The following NXPH1 variants were observed in gnomAD, a reference collection of about 807,000 sequenced individuals.
NXPH1 encodes neurexophilin-1.
NXPH1 carries 5 observed loss-of-function variants against 23.7 expected under a neutral mutation model. That is an observed-to-expected ratio of 0.21 (90% confidence interval 0.11 to 0.44). The LOEUF (loss-of-function observed/expected upper bound fraction) is 0.44. Ranked by LOEUF, NXPH1 falls within the 20% of genes least tolerant of loss-of-function variation. The probability of loss-of-function intolerance (pLI) is 0.99; values close to 1 mark genes in which losing one functional copy is unlikely to be tolerated. For synonymous variants in NXPH1, 144 were observed against 122.2 expected (o/e 1.18, Z -1.18); for missense variants, 324 against 321.6 (o/e 1.01, Z -0.06).
At chr7:8,617,742 G>T (rs939593735) in intron 2 of NXPH1, among the ~76,000 whole-genome samples, 3 of 152,048 alleles carry the variant, frequency 2.0e-5, no homozygotes, top group African/African-American at 7.2e-5. Context: ...GAACAACAGG[G>T]TGACTATAGT....
intron 2 of NXPH1, among the ~76,000 whole-genome samples, chr7:8,734,175 G>A (rs539057979): frequency 7.2e-5 from 11 of 152,284 alleles, no homozygotes; most frequent in Middle Eastern, 6.8e-3. Flanking sequence ...TCAAAGATCA[G>A]ATGGTTGTAG....
intron 2 of NXPH1, among the ~76,000 whole-genome samples, chr7:8,631,743 T>C (rs1201487000): frequency 2.0e-5 from 3 of 152,316 alleles, no homozygotes; most frequent in East Asian, 1.9e-4. Context: ...CAGAAAGCCA[T>C]GGATTATTGG....
intron 2 of NXPH1, among the ~76,000 whole-genome samples, chr7:8,468,365 C>G (rs1816817815): frequency 6.6e-6 from 1 of 152,042 alleles, no homozygotes; most frequent in Admixed American, 6.6e-5. Context: ...AAAGCCTATT[C>G]ACATTTTATC....
intron 2 of NXPH1, among the ~76,000 whole-genome samples, chr7:8,639,721 A>G (rs1424969073): frequency 6.6e-6 from 1 of 152,132 alleles, no homozygotes; most frequent in Non-Finnish European, 1.5e-5. Flanking sequence ...ATGGGGGTCC[A>G]TCTTTCCCAT....
intron 2 of NXPH1, among the ~76,000 whole-genome samples, chr7:8,671,156 A>G (rs1439250691): frequency 6.6e-6 from 1 of 152,204 alleles, no homozygotes; most frequent in East Asian, 1.9e-4. Flanking sequence ...AATAAATTAC[A>G]TATGCTATTT....
intron 2 of NXPH1, among the ~76,000 whole-genome samples, chr7:8,481,989 A>T (rs1403359089): frequency 6.6e-6 from 1 of 152,162 alleles, no homozygotes; most frequent in Non-Finnish European, 1.5e-5. Context: ...CCTGACGCAC[A>T]TGCAGCCTTG....
intron 2 of NXPH1, among the ~76,000 whole-genome samples, chr7:8,444,335 G>T (rs1816359925): frequency 6.6e-6 from 1 of 152,202 alleles, no homozygotes; most frequent in African/African-American, 2.4e-5. Context: ...AGAAGGTTTA[G>T]GCGCAACGCC....
intron 2 of NXPH1, among the ~76,000 whole-genome samples, chr7:8,562,354 A>G (rs1448395091): frequency 6.6e-6 from 1 of 151,712 alleles, no homozygotes; most frequent in African/African-American, 2.4e-5. Flanking sequence ...GCAGATGAAT[A>G]ATATTAACAA....
intron 2 of NXPH1, among the ~76,000 whole-genome samples, chr7:8,694,168 T>A (rs1020346616): frequency 8.5e-5 from 13 of 152,172 alleles, no homozygotes; most frequent in African/African-American, 3.1e-4. Context: ...TACATTCTTG[T>A]GGATCATTTC....
rs553661486 is a variant in NXPH1 at position 8,449,763 on chromosome 7, GTTCT to G, written c.54+13999_54+14002del. Among the ~76,000 whole-genome samples, 675 of 152,312 alleles carry G rather than the reference GTTCT, an allele frequency of 4.4e-3. 6 individuals are homozygous for G. Among genetic ancestry groups the G allele is most frequent in the African/African-American group, 0.016 (650 of 41,568 alleles). The stretch of plus-strand genomic sequence containing the variant: ...CTGTTGCCTTCCATTTCAATTAAGA[GTTCT>G]TTTTTTCTCCCTCCTTTGGGCAGAT... On this transcript the variant is annotated intron_variant, in intron 2 of 2. Coordinates refer to ENST00000405863, the MANE Select transcript of NXPH1 (RefSeq NM_152745.3).
chr7:8,718,674 C>A (rs1177603638), intron 2 of NXPH1, among the ~76,000 whole-genome samples: 3 of 152,112 alleles, frequency 2.0e-5, no homozygotes, highest in Non-Finnish European at 4.4e-5. Context: ...TTCCTAAAGT[C>A]ACTTGCTTCT....
intron 2 of NXPH1, among the ~76,000 whole-genome samples, chr7:8,691,312 C>T (rs1332555595): frequency 1.3e-5 from 2 of 152,054 alleles, no homozygotes; most frequent in African/African-American, 4.8e-5. Context: ...GCACGTCCAG[C>T]TAATTTTTGT....
intron 2 of NXPH1, among the ~76,000 whole-genome samples, chr7:8,488,737 T>C (rs1419941256): frequency 6.6e-6 from 1 of 152,172 alleles, no homozygotes; most frequent in Admixed American, 6.6e-5. Flanking sequence ...AGTTTCTACA[T>C]CTGTAAAATG....
intron 2 of NXPH1, among the ~76,000 whole-genome samples, chr7:8,560,250 C>A (rs537073716): frequency 4.0e-4 from 60 of 151,772 alleles, no homozygotes; most frequent in Middle Eastern, 6.8e-3. Context: ...TTCTCAAACC[C>A]AACCTTCTCA....
At chr7:8,569,305 A>G (rs555193798) in intron 2 of NXPH1, among the ~76,000 whole-genome samples, 5 of 152,042 alleles carry the variant, frequency 3.3e-5, no homozygotes, top group South Asian at 2.1e-4. Context: ...GAAACAATAT[A>G]CATAACAACC....
chr7:8,457,848 T>TG (rs1816626143), intron 2 of NXPH1, among the ~76,000 whole-genome samples: 2 of 152,220 alleles, frequency 1.3e-5, no homozygotes, highest in East Asian at 3.9e-4. Context: ...TTAAAATAAT[T>TG]GAAAAAAAAG....
At chr7:8,666,929 G>C (rs551135123) in intron 2 of NXPH1, among the ~76,000 whole-genome samples, 1 of 151,646 alleles carries the variant, frequency 6.6e-6, no homozygotes, top group Non-Finnish European at 1.5e-5. Context: ...CTAGCTAAAG[G>C]CTTGTCAATT....
chr7:8,674,413 T>C (rs894579463), intron 2 of NXPH1, among the ~76,000 whole-genome samples: 1 of 152,178 alleles, frequency 6.6e-6, no homozygotes, highest in African/African-American at 2.4e-5. Context: ...ATTACACTTC[T>C]CTGTGGACCT....
intron 2 of NXPH1, among the ~76,000 whole-genome samples, chr7:8,465,939 G>C (rs1418672235): frequency 6.6e-6 from 1 of 152,170 alleles, no homozygotes; most frequent in Non-Finnish European, 1.5e-5. Context: ...GTACTGCAAA[G>C]TCTCTAATTC....
Sources: allele counts gnomAD v4.1 joint callset (sites outside exome capture counted in the v4.1 genomes callset), GRCh38; gene constraint gnomAD v4.1.1; transcripts MANE v1.5; gene names NCBI Gene and HGNC (gene_info 2026-07-23, HGNC 2026-07-21).